The following CLUAP1 variants were observed in gnomAD, a reference collection of about 807,000 sequenced individuals.
CLUAP1 encodes the protein intraflagellar transport 38, also known as clusterin-associated protein 1.
In CLUAP1, 50 loss-of-function variants were observed where a neutral mutation model predicts 55.0. The ratio of observed to expected loss-of-function variants is 0.91; its 90% CI spans 0.72 to 1.15. The LOEUF (loss-of-function observed/expected upper bound fraction) is 1.15, where lower values mean the gene tolerates loss of function less well. CLUAP1 is among the 50% of genes most tolerant of loss of function. The probability of loss-of-function intolerance (pLI) is 0.00; values close to 1 mark genes in which losing one functional copy is unlikely to be tolerated. For missense variants in CLUAP1, 530 were observed against 507.6 expected, an observed-to-expected ratio of 1.04 and a Z score of -0.42; for synonymous variants, 195 against 175.4, an observed-to-expected ratio of 1.11 and a Z score of -0.88.
chr16:3,496,764 A>G (rs1232794499), upstream of CLUAP1: 2 of 478,364 alleles, frequency 4.2e-6, no homozygotes, highest in African/African-American at 4.0e-5. Context: ...CGAGGCTACA[A>G]AAACGAACCC....
chr16:3,529,862 TATA>T (rs2038079092), intron 9 of CLUAP1, among the ~76,000 whole-genome samples: 1 of 68,588 alleles, frequency 1.5e-5, no homozygotes, highest in Middle Eastern at 4.2e-3. Flanking sequence ...TATTTTATAA[TATA>T]ATTTATAATT....
intron 10 of CLUAP1, among the ~76,000 whole-genome samples, chr16:3,532,541 A>C (rs1242533687): frequency 6.7e-6 from 1 of 149,884 alleles, no homozygotes; most frequent in Non-Finnish European, 1.5e-5. Context: ...CAGCCTCCCG[A>C]GTAGCTGAGA....
upstream of CLUAP1, chr16:3,496,097 C>T: frequency 5.6e-6 from 2 of 360,254 alleles, no homozygotes; most frequent in Non-Finnish European, 1.1e-5. Context: ...GCCCAGATCG[C>T]GCCACTGCAC....
At chr16:3,535,659 A>G (rs1011236929) in intron 11 of CLUAP1, 1 of 154,472 alleles carries the variant, frequency 6.5e-6, no homozygotes, top group African/African-American at 2.4e-5. Context: ...CCCAGGTTCA[A>G]GCGATTCTTC....
chr16:3,495,901 G>C, the CLUAP1 span, among the ~76,000 whole-genome samples: 4 of 152,194 alleles, frequency 2.6e-5, no homozygotes, highest in Admixed American at 1.3e-4. Context: ...AGGTCTGTGG[G>C]AGGCCGGGGT....
chr16:3,526,385 C>T (rs777217993), intron 8 of CLUAP1, 27 bp from the exon 9 acceptor site: 4 of 1,549,852 alleles, frequency 2.6e-6, no homozygotes, highest in African/African-American at 2.8e-5. Context: ...GGCCATCTCT[C>T]CTGAGTCTGT....
At chr16:3,507,369 G>A (rs1240150495) in intron 3 of CLUAP1, among the ~76,000 whole-genome samples, 1 of 151,746 alleles carries the variant, frequency 6.6e-6, no homozygotes, top group Non-Finnish European at 1.5e-5. Context: ...CCTGGGTGAT[G>A]TAGTGAGATC....
At chr16:3,532,992 G>T in intron 11 of CLUAP1, 151 bp downstream of exon 11, 1 of 1,341,976 alleles carries the variant, frequency 7.5e-7, no homozygotes, top group Non-Finnish European at 1.0e-6. Flanking sequence ...GCCTCATGAG[G>T]CTCTGGACTC....
upstream of CLUAP1, among the ~76,000 whole-genome samples, chr16:3,498,172 G>A (rs921273759): frequency 2.6e-5 from 4 of 152,198 alleles, no homozygotes; most frequent in Admixed American, 2.0e-4. Context: ...CCAAGGGCAC[G>A]GGAAGAAGGA....
In CLUAP1 at chr16:3,506,326, G is replaced by A. The variant is rs766637733; in HGVS notation, c.135-5G>A. 2 of 1,612,642 alleles carry A rather than the reference G, an allele frequency of 1.2e-6. No individual in the cohort carries two copies. The highest frequency in any genetic ancestry group is 1.1e-5 in the South Asian group (1 of 91,072). ...CGTGCTCTCTCCTCTTACCTCTCTT[G>A]ATAGATATGAGCCCCAGACTGACAT... On this transcript the variant is annotated splice_region_variant and splice_polypyrimidine_tract_variant and intron_variant, in intron 2 of 11. Coordinates refer to ENST00000576634, the MANE Select transcript of CLUAP1 (RefSeq NM_015041.3).
At chr16:3,529,630 ATAT>A (rs1300865781) in intron 9 of CLUAP1, among the ~76,000 whole-genome samples, 359 of 17,288 alleles carry the variant, frequency 0.021, 39 homozygotes, top group African/African-American at 0.095. Context: ...TATATATTAT[ATAT>A]TATTATATAT....
intron 7 of CLUAP1, 89 bp from the exon 8 acceptor site, chr16:3,523,069 A>G: frequency 1.8e-6 from 2 of 1,103,958 alleles, no homozygotes; most frequent in East Asian, 2.8e-5. Flanking sequence ...TTCCAGAGAA[A>G]GCCACCATGG....
intron 6 of CLUAP1, among the ~76,000 whole-genome samples, chr16:3,516,862 G>A (rs573179405): frequency 5.3e-5 from 8 of 152,266 alleles, no homozygotes; most frequent in East Asian, 3.9e-4. Flanking sequence ...GGAGAAGTAC[G>A]AGAAAGTAAG....
At chr16:3,511,909 G>A (rs1245926478) in intron 4 of CLUAP1, among the ~76,000 whole-genome samples, 1 of 152,128 alleles carries the variant, frequency 6.6e-6, no homozygotes, top group Non-Finnish European at 1.5e-5. Context: ...GTGGCTGGCC[G>A]GGCACGGTGG....
intron 8 of CLUAP1, 31 bp from the exon 9 acceptor site, chr16:3,526,381 C>A (rs752200806): frequency 2.6e-6 from 4 of 1,522,420 alleles, no homozygotes; most frequent in Non-Finnish European, 3.6e-6. Flanking sequence ...AAAGGGCCAT[C>A]TCTCCTGAGT....
At chr16:3,517,485 T>C (rs2037751524) in intron 6 of CLUAP1, among the ~76,000 whole-genome samples, 1 of 152,014 alleles carries the variant, frequency 6.6e-6, no homozygotes, top group African/African-American at 2.4e-5. Flanking sequence ...TTTTGTTTTT[T>C]TTTTTAGTAG....
chr16:3,498,823 G>A (rs2037338341), upstream of CLUAP1, among the ~76,000 whole-genome samples: 1 of 151,878 alleles, frequency 6.6e-6, no homozygotes, highest in Admixed American at 6.6e-5. Flanking sequence ...TCGCACCACT[G>A]GCACTCCAGA....
intron 9 of CLUAP1, among the ~76,000 whole-genome samples, chr16:3,526,919 C>T (rs1305802926): frequency 1.3e-5 from 2 of 152,144 alleles, no homozygotes; most frequent in Non-Finnish European, 2.9e-5. Context: ...TGATGGAAAG[C>T]AAGCACTGGG....
chr16:3,525,374 C>T (rs1389250103), intron 8 of CLUAP1, among the ~76,000 whole-genome samples: 11 of 152,090 alleles, frequency 7.2e-5, no homozygotes, highest in Middle Eastern at 3.2e-3. Flanking sequence ...GCCCCTCTAC[C>T]CTACCCTTCC....
Sources: gnomAD v4.1 joint callset for allele counts (sites outside exome capture counted in the v4.1 genomes callset) on GRCh38, gnomAD v4.1.1 for gene constraint, MANE v1.5 for transcripts, NCBI Gene and HGNC (gene_info 2026-07-23, HGNC 2026-07-21) for gene names.